Variants in NELL1 observed in about 807,000 individuals in gnomAD.
NELL1 encodes the protein neural EGFL like 1.
NELL1 carries 76 observed loss-of-function variants against 107.4 expected under a neutral mutation model. The ratio of observed to expected loss-of-function variants is 0.71; its 90% CI spans 0.59 to 0.86. The LOEUF is 0.86. Among genes scored for constraint, NELL1 ranks in the 40% least tolerant of loss-of-function variants. NELL1 has a pLI of 0.00. For synonymous variants in NELL1, 353 were observed against 341.2 expected, an observed-to-expected ratio of 1.03 and a Z score of -0.38; for missense variants, 1,024 against 1,005.5, an observed-to-expected ratio of 1.02 and a Z score of -0.25.
At chr11:20,865,115 A>G (rs1417521996) in intron 4 of NELL1, among the ~76,000 whole-genome samples, 1 of 152,222 alleles carries the variant, frequency 6.6e-6, no homozygotes, top group Non-Finnish European at 1.5e-5. Flanking sequence ...GCTATGCAGC[A>G]GTGGAAATCT....
At chr11:21,427,009 A>G (rs996642988) in intron 15 of NELL1, among the ~76,000 whole-genome samples, 42 of 152,154 alleles carry the variant, frequency 2.8e-4, no homozygotes, top group African/African-American at 1.0e-3. Flanking sequence ...TGTTGCCCCC[A>G]TGTAATTACC....
intron 3 of NELL1, among the ~76,000 whole-genome samples, chr11:20,790,721 G>A (rs981375476): frequency 6.6e-6 from 1 of 152,144 alleles, no homozygotes; most frequent in Non-Finnish European, 1.5e-5. Context: ...CCTGCTCTAC[G>A]GGGCAGGAGG....
chr11:20,700,456 G>A (rs1007669305), intron 2 of NELL1, among the ~76,000 whole-genome samples: 3 of 151,956 alleles, frequency 2.0e-5, no homozygotes, highest in South Asian at 2.1e-4. Flanking sequence ...TCCAGCCTGA[G>A]CAACAGAGTG....
At chr11:20,767,330 T>C (rs185512368) in intron 2 of NELL1, among the ~76,000 whole-genome samples, 196 of 152,236 alleles carry the variant, frequency 1.3e-3, no homozygotes, top group African/African-American at 4.5e-3. Flanking sequence ...AGCTTTTATT[T>C]CCTTATTTGT....
intron 2 of NELL1, among the ~76,000 whole-genome samples, chr11:20,702,069 G>T (rs1173358102): frequency 6.6e-6 from 1 of 152,062 alleles, no homozygotes. Flanking sequence ...AGCTTGATGG[G>T]GATGGCATTG....
At chr11:21,155,469 G>T (rs1856211485) in intron 13 of NELL1, among the ~76,000 whole-genome samples, 2 of 152,122 alleles carry the variant, frequency 1.3e-5, no homozygotes, top group African/African-American at 4.8e-5. Context: ...CAGTGTTTAA[G>T]GAAAAGTATG....
intron 15 of NELL1, among the ~76,000 whole-genome samples, chr11:21,374,572 C>G (rs768057106): frequency 2.6e-5 from 4 of 152,018 alleles, no homozygotes; most frequent in Non-Finnish European, 5.9e-5. Flanking sequence ...CACTCTAGCC[C>G]ACACTCAAGG....
At chr11:20,812,348 G>T (rs1201606013) in intron 3 of NELL1, among the ~76,000 whole-genome samples, 1 of 152,064 alleles carries the variant, frequency 6.6e-6, no homozygotes, top group Non-Finnish European at 1.5e-5. Flanking sequence ...ACAGTATTTT[G>T]TTGAGAATTT....
intron 4 of NELL1, among the ~76,000 whole-genome samples, chr11:20,883,013 A>T (rs550432642): frequency 2.5e-4 from 38 of 151,146 alleles, no homozygotes; most frequent in South Asian, 1.0e-3. Context: ...TTTTCTTTTT[A>T]AAAAAAATAC....
At chr11:20,977,832 A>G (rs1851670912) in intron 12 of NELL1, among the ~76,000 whole-genome samples, 2 of 152,186 alleles carry the variant, frequency 1.3e-5, no homozygotes, top group South Asian at 4.1e-4. Flanking sequence ...GCTAATATTT[A>G]TCAGTACAAC....
At chr11:21,239,837 T>C (rs1858306652) in intron 14 of NELL1, among the ~76,000 whole-genome samples, 1 of 152,006 alleles carries the variant, frequency 6.6e-6, no homozygotes, top group South Asian at 2.1e-4. Flanking sequence ...GGCTGGCATC[T>C]TCTCACTTCT....
chr11:20,719,267 C>G (rs756813597), intron 2 of NELL1, among the ~76,000 whole-genome samples: 9 of 152,212 alleles, frequency 5.9e-5, no homozygotes, highest in Non-Finnish European at 1.2e-4. Context: ...GCAATAGGAT[C>G]ATAGCCCAGG....
At chr11:21,057,348 C>G (rs1207353358) in intron 12 of NELL1, among the ~76,000 whole-genome samples, 1 of 151,838 alleles carries the variant, frequency 6.6e-6, no homozygotes, top group Non-Finnish European at 1.5e-5. Context: ...TCTCACTTTT[C>G]TTTTGGGAAG....
chr11:21,294,127 A>G (rs751521466), intron 14 of NELL1, among the ~76,000 whole-genome samples: 2 of 152,088 alleles, frequency 1.3e-5, no homozygotes, highest in Non-Finnish European at 2.9e-5. Flanking sequence ...AACTGTTAAC[A>G]CAGTGCCAGT....
intron 4 of NELL1, among the ~76,000 whole-genome samples, chr11:20,855,261 T>C (rs1848862029): frequency 6.6e-6 from 1 of 152,012 alleles, no homozygotes; most frequent in Non-Finnish European, 1.5e-5. Flanking sequence ...GGTGAAAGGA[T>C]TAATTGAAAT....
chr11:20,805,627 C>G lies in NELL1; in HGVS notation c.335+21797C>G, dbSNP rs1857366653. ...CTCCGCCTCCCAGGTTCATGCCTCCCGAGCAGCTGGGACTACAGGTGCCCA... is the reference window on the plus strand; with the variant it reads ...CTCCGCCTCCCAGGTTCATGCCTCCGGAGCAGCTGGGACTACAGGTGCCCA... On this transcript the variant is annotated intron_variant, in intron 3 of 19. Transcript: ENST00000357134. Among the ~76,000 whole-genome samples, 3 of 152,146 alleles carry G rather than the reference C, an allele frequency of 2.0e-5. No individual in the cohort carries two copies. In the South Asian group the frequency reaches 6.2e-4, roughly 32 times the overall value.
rs150561395 is a variant in NELL1, at chr11:21,306,505, AC to A, written c.1550-64347del. Among the ~76,000 whole-genome samples the A allele has an allele frequency of 6.5e-3, 986 of 152,186 alleles. 9 individuals are homozygous for A. The highest frequency in any genetic ancestry group is 0.022 in the African/African-American group (916 of 41,558). ...CAAGAAACATCTGTTTTCCACATAT[AC>A]TAGGAACCTCTGCACTAATTGCAGT... On this transcript the variant is annotated intron_variant, in intron 14 of 19. Transcript: ENST00000357134.
chr11:21,219,331 T>A (rs1008539433), intron 13 of NELL1, among the ~76,000 whole-genome samples: 4 of 152,194 alleles, frequency 2.6e-5, no homozygotes, highest in Non-Finnish European at 4.4e-5. Context: ...TTTGGGTTAT[T>A]TGCTTTTGTG....
chr11:20,761,003 C>A (rs180947777), intron 2 of NELL1, among the ~76,000 whole-genome samples: 1 of 152,240 alleles, frequency 6.6e-6, no homozygotes, highest in Non-Finnish European at 1.5e-5. Flanking sequence ...AAAATTAGCT[C>A]TTTTTCATGA....
Sources: allele counts gnomAD v4.1 joint callset (sites outside exome capture counted in the v4.1 genomes callset), GRCh38; gene constraint gnomAD v4.1.1; transcripts MANE v1.5; gene names NCBI Gene and HGNC (gene_info 2026-07-23, HGNC 2026-07-21).